The following CAMSAP2 variants were observed in gnomAD, a reference collection of about 807,000 sequenced individuals.
CAMSAP2 encodes calmodulin regulated spectrin associated protein family member 2.
A neutral mutation model predicts 146.1 loss-of-function variants in CAMSAP2; 26 were observed. That is an observed-to-expected ratio of 0.18 (90% CI 0.13 to 0.25). CAMSAP2 has a LOEUF of 0.25. CAMSAP2 is among the 10% of genes least tolerant of loss of function. CAMSAP2 has a pLI of 1.00. For missense variants in CAMSAP2, 1,381 were observed against 1,759.3 expected (o/e 0.78, Z 3.85); for synonymous variants, 499 against 596.6 (o/e 0.84, Z 2.38).
intron 2 of CAMSAP2, among the ~76,000 whole-genome samples, chr1:200,762,657 C>G (rs1664832541): frequency 6.6e-6 from 1 of 152,170 alleles, no homozygotes; most frequent in Non-Finnish European, 1.5e-5. Flanking sequence ...TCATAGATAA[C>G]CTACTTATCC....
intron 11 of CAMSAP2, among the ~76,000 whole-genome samples, chr1:200,850,870 T>G (rs888965593): frequency 1.3e-5 from 2 of 152,196 alleles, no homozygotes; most frequent in Non-Finnish European, 2.9e-5. Flanking sequence ...TTGAGTCTCT[T>G]TCTAGTCAAA....
At chr1:200,827,280 G>A (rs1481380158) in intron 4 of CAMSAP2, among the ~76,000 whole-genome samples, 3 of 152,134 alleles carry the variant, frequency 2.0e-5, no homozygotes, top group African/African-American at 4.8e-5. Flanking sequence ...AACTTTAACC[G>A]TTAAGAGACT....
intron 2 of CAMSAP2, among the ~76,000 whole-genome samples, chr1:200,777,544 C>T (rs1665314447): frequency 6.6e-6 from 1 of 152,052 alleles, no homozygotes; most frequent in Admixed American, 6.6e-5. Context: ...ACACTTTTAT[C>T]TCTTTAAGTT....
At position 200,832,136 on chromosome 1, in the gene CAMSAP2, C is replaced by A; in HGVS notation, c.646-64C>A. On this transcript the variant is annotated intron_variant, in intron 4 of 16. Coordinates refer to ENST00000358823, the MANE Select transcript of CAMSAP2 (RefSeq NM_203459.4). The surrounding 1 kb of genome is among the most constrained non-coding windows in gnomAD (Gnocchi z 4.2). ...TACTGGTACATTAGAATTTACAGTA[C>A]TGATTTTTTTCCTATGCGTTATTTG... 7.7e-7 allele frequency: 1 copy of A among 1,300,566 alleles called. No individual in the cohort carries two copies. The highest frequency in any genetic ancestry group is 1.1e-6 in the Non-Finnish European group (1 of 946,364). 80.6% of individuals were successfully genotyped at this position (1,300,566 alleles called of 1,614,324 possible).
intron 8 of CAMSAP2, among the ~76,000 whole-genome samples, chr1:200,845,802 A>G (rs1344910091): frequency 6.6e-6 from 1 of 152,216 alleles, no homozygotes; most frequent in Non-Finnish European, 1.5e-5. Flanking sequence ...CAACAATAGA[A>G]TATTTATTAC....
intron 1 of CAMSAP2, among the ~76,000 whole-genome samples, chr1:200,751,163 G>A (rs1468471184): frequency 5.3e-5 from 8 of 149,846 alleles, no homozygotes; most frequent in African/African-American, 7.4e-5. Flanking sequence ...TCAGCCTCCC[G>A]AAGTGCTGGG....
rs1287942389 is a variant in CAMSAP2 at position 200,849,627 on chromosome 1, C to G, written c.2858C>G (p.Pro953Arg). Reference sequence around the variant, plus strand: ...ATTGCACCATTCTCCTCAGACTCCCCTCGTCCTACTCACCCATCTCCACAG... The same window carrying G: ...ATTGCACCATTCTCCTCAGACTCCCGTCGTCCTACTCACCCATCTCCACAG... ...SAIAPFSSDS[P>R]RPTHPSPQSS... Residue 953 changes from proline (P) to arginine (R), a missense_variant, in exon 11 of 17, where the codon CCT becomes CGT. Transcript: ENST00000358823. This position sits in a 1 kb window ranked among gnomAD's most constrained non-coding sequence, Gnocchi z 6.3. The G allele has an allele frequency of 6.2e-7, 1 of 1,614,202 alleles. No individual in the cohort carries two copies. The highest frequency in any genetic ancestry group is 1.7e-5 in the Admixed American group (1 of 60,028).
At chr1:200,755,362 C>G (rs1664618937) in intron 1 of CAMSAP2, among the ~76,000 whole-genome samples, 1 of 152,192 alleles carries the variant, frequency 6.6e-6, no homozygotes, top group Non-Finnish European at 1.5e-5. Flanking sequence ...CCCATTTCAA[C>G]CAGCACCACA....
chr1:200,836,389 A>G (rs1372735632), intron 6 of CAMSAP2, among the ~76,000 whole-genome samples: 2 of 152,204 alleles, frequency 1.3e-5, no homozygotes, highest in Non-Finnish European at 2.9e-5. Flanking sequence ...AATGACCTCC[A>G]GCTCCATCTG....
At chr1:200,793,818 G>A (rs182461122) in intron 2 of CAMSAP2, among the ~76,000 whole-genome samples, 425 of 152,148 alleles carry the variant, frequency 2.8e-3, no homozygotes, top group African/African-American at 9.4e-3. Context: ...CTACATTAAG[G>A]TTGTAGACTT....
At chr1:200,744,802 A>C (rs191926859) in intron 1 of CAMSAP2, among the ~76,000 whole-genome samples, 90 of 152,202 alleles carry the variant, frequency 5.9e-4, no homozygotes, top group African/African-American at 2.1e-3. Flanking sequence ...GTAGACATGG[A>C]GTTGTGAAAC....
At chr1:200,771,275 T>G (rs1000327032) in intron 2 of CAMSAP2, among the ~76,000 whole-genome samples, 2 of 152,202 alleles carry the variant, frequency 1.3e-5, no homozygotes, top group Non-Finnish European at 2.9e-5. Flanking sequence ...CAAAAATAAT[T>G]TACTTTGCAA....
Position 200,858,837 on chromosome 1 carries a change from A to T in CAMSAP2, c.*778A>T, listed in dbSNP as rs1667812556. 6.6e-6 allele frequency: 1 copy of T among 152,620 alleles called. No individual in the cohort carries two copies. Among genetic ancestry groups the T allele is most frequent in the Non-Finnish European group, 1.5e-5 (1 of 67,914 alleles). The allele number at this position is 152,620 out of a possible 1,614,324, so 9.5% of individuals were successfully genotyped here. Reference sequence around the variant, plus strand: ...TTTTTACACCACTTCTGGCCAACTCAGAATAATTTAGATTGTTCTTTTAAC... The same window carrying T: ...TTTTTACACCACTTCTGGCCAACTCTGAATAATTTAGATTGTTCTTTTAAC... On this transcript the variant is annotated 3_prime_UTR_variant, in exon 17 of 17. Transcript: ENST00000358823.
rs182832347 is a variant in CAMSAP2, at chr1:200,857,151, G to T, written c.4013-155G>T. Among the ~76,000 whole-genome samples the T allele has an allele frequency of 2.0e-3, 298 of 152,262 alleles. 3 individuals carry two copies. The highest frequency in any genetic ancestry group is 7.0e-3 in the African/African-American group (291 of 41,558). On this transcript the variant is annotated intron_variant, in intron 15 of 16. Transcript: ENST00000358823. This position sits in a 1 kb window ranked among gnomAD's most constrained non-coding sequence, Gnocchi z 4.7. ...CTCTGGGTGGATAAAACAATGTTTT[G>T]GTTGGATTGCAGCCAGTAAGAGGCC...
intron 1 of CAMSAP2, among the ~76,000 whole-genome samples, chr1:200,747,481 T>C (rs1664367869): frequency 6.6e-6 from 1 of 152,128 alleles, no homozygotes; most frequent in Non-Finnish European, 1.5e-5. Context: ...CATGACTAGG[T>C]TGAAAGTAAA....
At chr1:200,833,516 C>T (rs891631701) in intron 6 of CAMSAP2, among the ~76,000 whole-genome samples, 4 of 150,976 alleles carry the variant, frequency 2.6e-5, no homozygotes, top group East Asian at 3.9e-4. Context: ...GCTGAGATCG[C>T]GCCACTGCAC....
intron 3 of CAMSAP2, among the ~76,000 whole-genome samples, chr1:200,810,956 A>G (rs1451056182): frequency 1.3e-5 from 2 of 152,018 alleles, no homozygotes; most frequent in Non-Finnish European, 2.9e-5. Flanking sequence ...TCCCCATCCA[A>G]ATACAACCCT....
chr1:200,781,610 C>T (rs576361720), intron 2 of CAMSAP2, among the ~76,000 whole-genome samples: 43 of 152,092 alleles, frequency 2.8e-4, no homozygotes, highest in African/African-American at 7.7e-4. Context: ...GGCATCATCT[C>T]GGCTCACTGT....
chr1:200,841,901 G>A (rs1667332173), intron 6 of CAMSAP2, 93 bp from the exon 7 acceptor site: 1 of 869,280 alleles, frequency 1.2e-6, no homozygotes, highest in South Asian at 1.4e-5. Context: ...AGTGATGAAT[G>A]AATGAGATTT....
Sources: gnomAD v4.1 joint callset for allele counts (sites outside exome capture counted in the v4.1 genomes callset) on GRCh38, gnomAD v4.1.1 for gene constraint, Gnocchi (gnomAD v3.1) non-coding constraint, MANE v1.5 for transcripts, NCBI Gene and HGNC (gene_info 2026-07-23, HGNC 2026-07-21) for gene names.